The following CLSPN variants were observed in gnomAD, a reference collection of about 807,000 sequenced individuals.
CLSPN encodes claspin.
Under a neutral mutation model 156.3 loss-of-function variants are expected in CLSPN, and 85 were observed. That is an observed-to-expected ratio of 0.54 (90% CI 0.46 to 0.65). The LOEUF (loss-of-function observed/expected upper bound fraction) is 0.65. CLSPN is among the 30% of genes least tolerant of loss of function. The pLI is 0.00. For synonymous variants in CLSPN, 534 were observed against 542.4 expected (o/e 0.98, Z 0.22); for missense variants, 1,407 against 1,554.9 (o/e 0.90, Z 1.60).
intron 4 of CLSPN, 143 bp from the exon 5 acceptor site, chr1:35,762,624 C>T (rs1420855093): frequency 6.1e-6 from 4 of 659,586 alleles, no homozygotes; most frequent in African/African-American, 1.8e-5. Flanking sequence ...ATTAAACACA[C>T]AGCATCCTAT....
intron 10 of CLSPN, 23 bp downstream of exon 10, chr1:35,751,226 CA>C: frequency 6.3e-7 from 1 of 1,592,544 alleles, no homozygotes; most frequent in Non-Finnish European, 8.5e-7. Context: ...GACAAGGTAA[CA>C]AAACAACGTA....
Position 35,746,682 on chromosome 1 carries a change from G to A in CLSPN, c.2854+84C>T. Reference sequence around the variant, plus strand: ...CAAAGTTCTAGGATTACAGGCATGAGCCACCCCACCCGCCCAGGGAATTCT... The same window carrying A: ...CAAAGTTCTAGGATTACAGGCATGAACCACCCCACCCGCCCAGGGAATTCT... On this transcript the variant is annotated intron_variant, in intron 15 of 24. Coordinates refer to ENST00000318121, the MANE Select transcript of CLSPN (RefSeq NM_022111.4). This position sits in a 1 kb window ranked among gnomAD's most constrained non-coding sequence, Gnocchi z 4.2. 2 of 927,888 alleles carry A rather than the reference G, an allele frequency of 2.2e-6. No homozygotes were observed. The highest frequency in any genetic ancestry group is 2.9e-5 in the South Asian group (2 of 69,324). The allele number at this position is 927,888 out of a possible 1,614,324, so 57.5% of individuals were successfully genotyped here.
At position 35,764,562 on chromosome 1, in the gene CLSPN, T is replaced by G. The variant is rs1457896183; in HGVS notation, c.286A>C (p.Lys96Gln). Residue 96 changes from lysine (K) to glutamine (Q), a missense_variant, in exon 3 of 25, where the codon AAA becomes CAA. Lys to Gln is a moderately conservative substitution (Grantham distance 53). Coordinates refer to ENST00000318121, the MANE Select transcript of CLSPN (RefSeq NM_022111.4). ...TAAATCCTTTTGATTTTTGTATTTT[T>G]CCCAGCATATAAATTCTCTTTATTT... ...EENKENLYAG[K>Q]NTKIKRIYKT... is the part of the protein sequence containing the mutation. The G allele has an allele frequency of 9.9e-6, 16 of 1,613,878 alleles. No homozygotes were observed. The highest frequency in any genetic ancestry group is 1.4e-5 in the Non-Finnish European group (16 of 1,180,010).
chr1:35,738,113 A>AAAAAATATATAT lies in CLSPN; in HGVS notation c.3559-17_3559-16insATATATATTTTT. On this transcript the variant is annotated splice_polypyrimidine_tract_variant and intron_variant, in intron 21 of 24. Coordinates refer to ENST00000318121, the MANE Select transcript of CLSPN (RefSeq NM_022111.4). ...CCTGCTGTGCCTGAAAAAAAAAAAAAATATATATATATATATATATATATA... is the reference window on the plus strand; with the variant it reads ...CCTGCTGTGCCTGAAAAAAAAAAAAAAAAAATATATATATATATATATATATATATATATATA... 1.9e-5 allele frequency: 7 copies of AAAAAATATATAT among 362,618 alleles called. No individual in the cohort carries two copies. Among genetic ancestry groups the AAAAAATATATAT allele is most frequent in the Admixed American group, 1.1e-4 (1 of 9,282 alleles). 22.5% of individuals were successfully genotyped at this position (362,618 alleles called of 1,614,324 possible). A position where few individuals can be genotyped will look rare whatever the true frequency, so the allele number is the denominator to read the frequency against.
At position 35,742,710 on chromosome 1, in the gene CLSPN, G is replaced by GT. The variant is rs557177048; in HGVS notation, c.3143+430dup. 1.4e-4 allele frequency among the ~76,000 whole-genome samples: 20 copies of GT among 148,116 alleles called. No homozygotes were observed. In the South Asian group the frequency reaches 4.4e-3, roughly 32 times the overall value. On this transcript the variant is annotated intron_variant, in intron 18 of 24. Transcript: ENST00000318121. Reference sequence around the variant, plus strand: ...AATATGTTAATGCCTGTAAAGCACAGTTATTAGCACACAGGACATATTAAG... The same window carrying GT: ...AATATGTTAATGCCTGTAAAGCACAGTTTATTAGCACACAGGACATATTAAG...
chr1:35,735,831 A>G lies in CLSPN; in HGVS notation c.*665T>C, dbSNP rs1170518769. On this transcript the variant is annotated 3_prime_UTR_variant, in exon 25 of 25. Transcript: ENST00000318121. The stretch of plus-strand genomic sequence containing the variant: ...AATCTGTAATGTCACACTTTTCCCT[A>G]CTCTTCCTCTTCCAACCACTTCTAT... 11 of 985,162 alleles carry G rather than the reference A, an allele frequency of 1.1e-5. No individual in the cohort carries two copies. The East Asian group carries it at 6.8e-4, about 61-fold the overall frequency. 61.0% of individuals were successfully genotyped at this position (985,162 alleles called of 1,614,324 possible).
At chr1:35,755,966 A>C (rs1486086449) in intron 8 of CLSPN, among the ~76,000 whole-genome samples, 1 of 152,212 alleles carries the variant, frequency 6.6e-6, no homozygotes, top group East Asian at 1.9e-4. Flanking sequence ...TTAGTCTCCC[A>C]AAGTGCTGGG....
At chr1:35,749,016 AG>A (rs1641993305) in intron 12 of CLSPN, among the ~76,000 whole-genome samples, 2 of 151,760 alleles carry the variant, frequency 1.3e-5, no homozygotes, top group South Asian at 4.2e-4. Context: ...TAGTAGAGAC[AG>A]GGTTTCACCA....
intron 8 of CLSPN, among the ~76,000 whole-genome samples, chr1:35,758,246 A>C (rs1395243819): frequency 6.6e-6 from 1 of 151,586 alleles, no homozygotes; most frequent in Non-Finnish European, 1.5e-5. Flanking sequence ...ATTTCAGCTC[A>C]CAACTCACTG....
At chr1:35,741,160 G>GA (rs951790359) in intron 18 of CLSPN, among the ~76,000 whole-genome samples, 3 of 149,184 alleles carry the variant, frequency 2.0e-5, no homozygotes, top group Non-Finnish European at 4.5e-5. Flanking sequence ...ATGCTAAGTA[G>GA]AAAAAAAAAG....
At chr1:35,769,742 C>A in intron 1 of CLSPN, 105 bp downstream of exon 1, 2 of 1,147,644 alleles carry the variant, frequency 1.7e-6, no homozygotes, top group South Asian at 1.8e-5. Context: ...GAGCCGCAGT[C>A]CTCCCGCCCG....
chr1:35,732,373 C>A lies in CLSPN; in HGVS notation c.*4123G>T. On this transcript the variant is annotated 3_prime_UTR_variant, in exon 25 of 25. Transcript: ENST00000318121. ...CAAAAACACCCCCTAAAAAGTCTCC[C>A]AGCCTGAGCATTAGAAACTCTCAAA... 1.0e-6 allele frequency: 1 copy of A among 985,358 alleles called. No homozygotes were observed. The highest frequency in any genetic ancestry group is 4.7e-5 in the South Asian group (1 of 21,280). 61.0% of individuals were successfully genotyped at this position (985,358 alleles called of 1,614,324 possible). A position where few individuals can be genotyped will look rare whatever the true frequency, so the allele number is the denominator to read the frequency against.
intron 12 of CLSPN, 126 bp downstream of exon 12, chr1:35,749,341 T>A: frequency 1.2e-6 from 1 of 856,922 alleles, no homozygotes; most frequent in Non-Finnish European, 1.8e-6. Context: ...ACCCTTTTCA[T>A]AGCTACATAT....
At position 35,743,430 on chromosome 1, in the gene CLSPN, A is replaced by G. The variant is rs1338657420; in HGVS notation, c.3042+25T>C. ...CAGCAATACATGGAGCTCAGTTATG[A>G]TTACTTTGTTCCCTTCATACTCACC... On this transcript the variant is annotated intron_variant, in intron 17 of 24. Transcript: ENST00000318121. 3 of 1,588,712 alleles carry G rather than the reference A, an allele frequency of 1.9e-6. No individual in the cohort carries two copies. The African/African-American group carries it at 4.0e-5, about 21-fold the overall frequency.
chr1:35,740,421 C>CT (rs11339039), intron 18 of CLSPN, among the ~76,000 whole-genome samples: 864 of 142,266 alleles, frequency 6.1e-3, no homozygotes, highest in Middle Eastern at 0.011. Context: ...TGTATTTTCT[C>CT]TTTTTTTTTT....
intron 10 of CLSPN, among the ~76,000 whole-genome samples, chr1:35,750,720 C>T (rs1642053746): frequency 1.3e-5 from 2 of 151,998 alleles, no homozygotes; most frequent in African/African-American, 4.8e-5. Context: ...TAATACTTAA[C>T]AATCGTATCA....
chr1:35,763,684 G>A (rs1227063136), intron 3 of CLSPN, among the ~76,000 whole-genome samples: 1 of 152,062 alleles, frequency 6.6e-6, no homozygotes, highest in East Asian at 1.9e-4. Context: ...CTCAGAGACA[G>A]CAAAGAATTA....
chr1:35,727,106 C>T (rs1422783562), intron 24 of CLSPN, among the ~76,000 whole-genome samples: 1 of 152,178 alleles, frequency 6.6e-6, no homozygotes, highest in Non-Finnish European at 1.5e-5. Flanking sequence ...CTTTGTTGTT[C>T]TAAAGGCTTG....
Position 35,736,392 on chromosome 1 carries a change from T to C in CLSPN, c.*104A>G, listed in dbSNP as rs1356217059. On this transcript the variant is annotated 3_prime_UTR_variant, in exon 25 of 25. Coordinates refer to ENST00000318121, the MANE Select transcript of CLSPN (RefSeq NM_022111.4). Reference sequence around the variant, plus strand: ...TCTGTCTGCAATCTTATTGCATTGATTATGAAAGAAGGAAGGATCATTGGC... The same window carrying C: ...TCTGTCTGCAATCTTATTGCATTGACTATGAAAGAAGGAAGGATCATTGGC... 6.9e-7 allele frequency: 1 copy of C among 1,456,108 alleles called. No individual in the cohort carries two copies. Among genetic ancestry groups the C allele is most frequent in the African/African-American group, 1.4e-5 (1 of 70,168 alleles). The allele number at this position is 1,456,108 out of a possible 1,614,324, so 90.2% of individuals were successfully genotyped here. A position where few individuals can be genotyped will look rare whatever the true frequency, so the allele number is the denominator to read the frequency against.
Sources: allele counts gnomAD v4.1 joint callset (sites outside exome capture counted in the v4.1 genomes callset), GRCh38; gene constraint gnomAD v4.1.1; non-coding constraint Gnocchi (gnomAD v3.1); transcripts MANE v1.5; gene names NCBI Gene and HGNC (gene_info 2026-07-23, HGNC 2026-07-21).